ERCC6: variants seen among roughly 807,000 people sequenced by gnomAD.
ERCC6 encodes ERCC excision repair 6, chromatin remodeling factor.
A neutral mutation model predicts 158.7 loss-of-function variants in ERCC6; 116 were observed. That is an observed-to-expected ratio of 0.73 (90% CI 0.63 to 0.85). ERCC6 has a LOEUF of 0.85. ERCC6 is among the 40% of genes least tolerant of loss of function. The pLI is 0.00. For synonymous variants in ERCC6, 678 were observed against 659.3 expected (o/e 1.03, Z -0.43); for missense variants, 1,698 against 1,799.4 (o/e 0.94, Z 1.02).
chr10:49,475,309 T>C (rs747761714), intron 12 of ERCC6: 3 of 374,144 alleles, frequency 8.0e-6, no homozygotes, highest in Non-Finnish European at 1.6e-5. Context: ...ATAAAATATA[T>C]ATCAAAATTA....
chr10:49,451,147 T>C (rs976744124), downstream of ERCC6, among the ~76,000 whole-genome samples: 8 of 151,468 alleles, frequency 5.3e-5, 1 homozygote, highest in Admixed American at 5.3e-4. Context: ...TATCCTCCCA[T>C]CTTGCTGAAC....
rs1262014892 is a variant in ERCC6, at chr10:49,524,309, T to A, written c.1121A>T (p.Tyr374Phe). 13 of 1,613,946 alleles carry A rather than the reference T, an allele frequency of 8.1e-6. No homozygotes were observed. Among genetic ancestry groups the A allele is most frequent in the Non-Finnish European group, 1.1e-5 (13 of 1,179,998 alleles). Residue 374 changes from tyrosine to phenylalanine, a missense_variant, in exon 5 of 21, where the codon TAT (tyrosine) becomes TTT (phenylalanine). Tyr to Phe is a conservative substitution (Grantham distance 22, BLOSUM62 3). Coordinates refer to ENST00000355832, the MANE Select transcript of ERCC6 (RefSeq NM_000124.4). ...CTCTTCCTCCTCCTCTGTGGGGAAA[T>A]ACTCAGACTCTTCACCCTCAGAGTC... ...EGDSEGEESE[Y>F]FPTEEEEEEE...
At position 49,459,116 on chromosome 10, in the gene ERCC6, C is replaced by T; in HGVS notation, c.4181G>A (p.Arg1394Lys). 1 of 1,614,194 alleles carries T rather than the reference C, an allele frequency of 6.2e-7. No homozygotes were observed. Among genetic ancestry groups the T allele is most frequent in the Non-Finnish European group, 8.5e-7 (1 of 1,180,046 alleles). The stretch of plus-strand genomic sequence containing the variant: ...TGGCAGAATCAGGTGGTTTCTAGCT[C>T]TCATTTTAGCCAAGAGTGAGGAGGA... Reference protein sequence around the residue: ...LASSSLLAKMRARNHLILPER... With the variant: ...LASSSLLAKMKARNHLILPER... The change falls in exon 21 of 21, where the codon AGA (arginine) becomes AAA (lysine). Residue 1394 changes from arginine (R) to lysine (K), a missense_variant. Transcript: ENST00000355832.
rs569667217 is a variant in ERCC6, at chr10:49,510,801, C to G, written c.1398-4789G>C. Among the ~76,000 whole-genome samples the G allele has an allele frequency of 3.9e-5, 6 of 152,282 alleles. No homozygotes were observed. The South Asian group carries it at 1.2e-3, about 32-fold the overall frequency. On this transcript the variant is annotated intron_variant, in intron 5 of 20. Transcript: ENST00000355832. ...TGACTTGAAAATGGTCAAATGGGGT[C>G]ATCCAGAAATGGGTTCTGGAAACTT... is the stretch of plus-strand genomic sequence containing the variant.
At chr10:49,487,999 G>C (rs1307244292) in intron 8 of ERCC6, among the ~76,000 whole-genome samples, 1 of 152,158 alleles carries the variant, frequency 6.6e-6, no homozygotes, top group East Asian at 1.9e-4. Flanking sequence ...GCCTAGACTG[G>C]AGTTTCAATA....
chr10:49,499,010 C>G (rs181070955), intron 7 of ERCC6, among the ~76,000 whole-genome samples: 24 of 152,150 alleles, frequency 1.6e-4, no homozygotes, highest in African/African-American at 5.8e-4. Flanking sequence ...TTATTTGAAA[C>G]AGAAAAAGCA....
chr10:49,479,810 A>G (rs922437067), intron 10 of ERCC6, among the ~76,000 whole-genome samples: 7 of 152,152 alleles, frequency 4.6e-5, no homozygotes, highest in Non-Finnish European at 7.4e-5. Context: ...ATGCCACCCC[A>G]TGGAGATGAT....
intron 5 of ERCC6, among the ~76,000 whole-genome samples, chr10:49,509,168 A>G (rs2132586588): frequency 6.6e-6 from 1 of 152,300 alleles, no homozygotes; most frequent in Non-Finnish European, 1.5e-5. Context: ...GGAGAACAGC[A>G]GCACCTACTT....
At chr10:49,448,370 A>G in the ERCC6 span, among the ~76,000 whole-genome samples, 1 of 152,122 alleles carries the variant, frequency 6.6e-6, no homozygotes, top group South Asian at 2.1e-4. Flanking sequence ...TTCTTCAAGC[A>G]TTTTTAATTG....
At chr10:49,506,333 T>C (rs1851442502) in intron 5 of ERCC6, 1 of 350,354 alleles carries the variant, frequency 2.9e-6, no homozygotes, top group South Asian at 3.3e-5. Context: ...AGACATGAAA[T>C]TAGTCCTAGA....
chr10:49,475,040 A>AT lies in ERCC6; in HGVS notation c.2383-799dup, dbSNP rs1278294061. Reference sequence around the variant, plus strand: ...AACAGATTAACAATAAATGATCTGAATAAGTCAGGAACATTGGTAAACCTC... The same window carrying AT: ...AACAGATTAACAATAAATGATCTGAATTAAGTCAGGAACATTGGTAAACCTC... On this transcript the variant is annotated intron_variant, in intron 12 of 20. Coordinates refer to ENST00000355832, the MANE Select transcript of ERCC6 (RefSeq NM_000124.4). 3.9e-5 allele frequency among the ~76,000 whole-genome samples: 6 copies of AT among 152,320 alleles called. No individual in the cohort carries two copies. The East Asian group carries it at 1.2e-3, about 29-fold the overall frequency.
intron 18 of ERCC6, 33 bp from the exon 19 acceptor site, chr10:49,461,589 C>G: frequency 1.3e-6 from 2 of 1,586,894 alleles, no homozygotes; most frequent in Non-Finnish European, 1.7e-6. Flanking sequence ...AGTGATATTT[C>G]ACTCTGTATG....
chr10:49,436,446 A>G, the ERCC6 span, among the ~76,000 whole-genome samples: 1 of 152,318 alleles, frequency 6.6e-6, no homozygotes, highest in African/African-American at 2.4e-5. Context: ...ACTGAATCTG[A>G]ATCAAGAATA....
At position 49,459,257 on chromosome 10, in the gene ERCC6, C is replaced by A. The variant is rs578171795; in HGVS notation, c.4063-23G>T. The stretch of plus-strand genomic sequence containing the variant: ...ATCCTATAAAAAGAAGACCACTATA[C>A]TGATATATTTAATTTCTAGTTTATG... On this transcript the variant is annotated intron_variant, in intron 20 of 20. Coordinates refer to ENST00000355832, the MANE Select transcript of ERCC6 (RefSeq NM_000124.4). 4.2e-5 allele frequency: 67 copies of A among 1,611,806 alleles called. No homozygotes were observed. The South Asian group carries it at 7.0e-4, about 17-fold the overall frequency.
intron 14 of ERCC6, 123 bp from the exon 15 acceptor site, chr10:49,473,151 G>A: frequency 1.6e-6 from 2 of 1,289,368 alleles, no homozygotes; most frequent in African/African-American, 1.4e-5. Flanking sequence ...GAATGGTAAT[G>A]TCCTAGAGAC....
At chr10:49,522,046 T>G (rs772374457) in intron 5 of ERCC6, among the ~76,000 whole-genome samples, 43 of 152,286 alleles carry the variant, frequency 2.8e-4, no homozygotes, top group Non-Finnish European at 5.4e-4. Flanking sequence ...GTAAAAGGTG[T>G]TAAGTTCAGC....
intron 18 of ERCC6, among the ~76,000 whole-genome samples, chr10:49,469,727 G>A (rs1850738917): frequency 6.6e-6 from 1 of 152,156 alleles, no homozygotes; most frequent in African/African-American, 2.4e-5. Flanking sequence ...TTGAGCAATT[G>A]TTGAGTCTAC....
chr10:49,501,795 GA>G (rs199823585), intron 6 of ERCC6: 322 of 140,246 alleles, frequency 2.3e-3, no homozygotes, highest in Middle Eastern at 3.6e-3. Context: ...ATCTCTACAA[GA>G]AAAAAAAAAA....
rs201934795 is a variant in ERCC6, at chr10:49,470,924, G to A, written c.3071-35C>T. Reference sequence around the variant, plus strand: ...GGAAAAACACCACTAATACTATATTGTATCATCTTGTGCAATTGATTACTT... The same window carrying A: ...GGAAAAACACCACTAATACTATATTATATCATCTTGTGCAATTGATTACTT... On this transcript the variant is annotated intron_variant, in intron 17 of 20. Coordinates refer to ENST00000355832, the MANE Select transcript of ERCC6 (RefSeq NM_000124.4). The A allele has an allele frequency of 3.7e-4, 602 of 1,613,468 alleles. 2 individuals carry two copies. The African/African-American group carries it at 5.8e-3, about 16-fold the overall frequency.
Sources: allele counts gnomAD v4.1 joint callset (sites outside exome capture counted in the v4.1 genomes callset), GRCh38; gene constraint gnomAD v4.1.1; transcripts MANE v1.5; gene names NCBI Gene and HGNC (gene_info 2026-07-23, HGNC 2026-07-21).